DYNC2I2: variants seen among roughly 807,000 people sequenced by gnomAD.
DYNC2I2 encodes cytoplasmic dynein 2 intermediate chain 2.
Under a neutral mutation model 52.0 loss-of-function variants are expected in DYNC2I2, and 39 were observed. The observed-to-expected ratio is 0.75, with a 90% CI of 0.58 to 0.98. The LOEUF is 0.98. DYNC2I2 is among the 50% of genes least tolerant of loss of function. The pLI is 0.00. For missense variants in DYNC2I2, 743 were observed against 728.4 expected (o/e 1.02, Z -0.23); for synonymous variants, 359 against 321.1 (o/e 1.12, Z -1.26).
At chr9:128,679,557 G>A in the DYNC2I2 span, among the ~76,000 whole-genome samples, 124 of 152,214 alleles carry the variant, frequency 8.1e-4, 1 homozygote, top group Non-Finnish European at 1.2e-4. Flanking sequence ...TATACCTCCC[G>A]GGCTCAAGCC....
chr9:128,670,343 G>A, the DYNC2I2 span, among the ~76,000 whole-genome samples: 1 of 151,948 alleles, frequency 6.6e-6, no homozygotes, highest in Non-Finnish European at 1.5e-5. Context: ...GGGAGGCTAA[G>A]GCAGGAAAAT....
chr9:128,671,470 CT>C, the DYNC2I2 span, among the ~76,000 whole-genome samples: 3,834 of 107,752 alleles, frequency 0.036, 28 homozygotes, highest in South Asian at 0.087. Flanking sequence ...CTGGCTAATT[CT>C]TTTTTTTTTT....
chr9:128,635,611 C>G (rs1564339246), intron 5 of DYNC2I2, 47 bp downstream of exon 5: 1 of 1,531,210 alleles, frequency 6.5e-7, no homozygotes, highest in Non-Finnish European at 8.9e-7. Context: ...CGCCCTCTCC[C>G]CAGCTCTGCC....
the DYNC2I2 span, among the ~76,000 whole-genome samples, chr9:128,662,373 T>C: frequency 2.0e-5 from 3 of 151,724 alleles, no homozygotes; most frequent in Admixed American, 2.0e-4. Context: ...CAGCAGGATA[T>C]TCATAATTCC....
In DYNC2I2 at chr9:128,634,343, G is replaced by C; in HGVS notation, c.1255C>G (p.Leu419Val). Reference sequence around the variant, plus strand: ...GGAGGGGCCTGCAGCATGGAGTACAGGTGGACATGCCCGTCAGTCCCAGCG... The same window carrying C: ...GGAGGGGCCTGCAGCATGGAGTACACGTGGACATGCCCGTCAGTCCCAGCG... ...LSAGTDGHVH[L>V]YSMLQAPPLT... The change falls in exon 8 of 9, where the codon CTG becomes GTG. Residue 419 changes from leucine (L) to valine (V), a missense_variant. Physicochemically the swap from Leu to Val is conservative, Grantham distance 32 (BLOSUM62 1). Coordinates refer to ENST00000372715, the MANE Select transcript of DYNC2I2 (RefSeq NM_052844.4). 2 of 1,607,748 alleles carry C rather than the reference G, an allele frequency of 1.2e-6. No homozygotes were observed. The highest frequency in any genetic ancestry group is 4.5e-5 in the East Asian group (2 of 44,856).
chr9:128,639,936 G>A (rs534491557), intron 2 of DYNC2I2, among the ~76,000 whole-genome samples: 1 of 152,170 alleles, frequency 6.6e-6, no homozygotes, highest in South Asian at 2.1e-4. Context: ...AAAGTGCTGG[G>A]ATTACAGGCG....
chr9:128,671,279 C>A, the DYNC2I2 span, among the ~76,000 whole-genome samples: 3 of 149,456 alleles, frequency 2.0e-5, no homozygotes, highest in Non-Finnish European at 3.0e-5. Flanking sequence ...CCAGCCTGGG[C>A]AATAGAGTGG....
chr9:128,678,121 G>A, the DYNC2I2 span, among the ~76,000 whole-genome samples: 5 of 149,250 alleles, frequency 3.4e-5, no homozygotes, highest in East Asian at 2.0e-4. Flanking sequence ...CCAGGCTGGC[G>A]TGCAATGGTG....
chr9:128,641,976 T>TACACAC (rs142269423), intron 1 of DYNC2I2, among the ~76,000 whole-genome samples: 229 of 147,078 alleles, frequency 1.6e-3, no homozygotes, highest in Middle Eastern at 3.5e-3. Context: ...TTTATATACA[T>TACACAC]ACACACACAC....
At chr9:128,676,487 C>CCAAA in the DYNC2I2 span, among the ~76,000 whole-genome samples, 22 of 151,558 alleles carry the variant, frequency 1.5e-4, no homozygotes, top group Admixed American at 8.6e-4. Flanking sequence ...GAGACTCAGT[C>CCAAA]CAAACAAACA....
intron 1 of DYNC2I2, among the ~76,000 whole-genome samples, chr9:128,644,576 T>C (rs2132164535): frequency 6.6e-6 from 1 of 152,192 alleles, no homozygotes; most frequent in East Asian, 1.9e-4. Flanking sequence ...ACCGCACCTG[T>C]CCAACCTGAC....
At position 128,641,976 on chromosome 9, in the gene DYNC2I2, T is replaced by C. The variant is rs918001267; in HGVS notation, c.187-1037A>G. 4.9e-3 allele frequency among the ~76,000 whole-genome samples: 721 copies of C among 147,084 alleles called. 4 individuals are homozygous for C. Among genetic ancestry groups the C allele is most frequent in the African/African-American group, 0.016 (657 of 40,164 alleles). On this transcript the variant is annotated intron_variant, in intron 1 of 8. Coordinates refer to ENST00000372715, the MANE Select transcript of DYNC2I2 (RefSeq NM_052844.4). Reference sequence around the variant, plus strand: ...CAAAGCAGATGTTCATTTATATACATACACACACACACACACACACACACA... The same window carrying C: ...CAAAGCAGATGTTCATTTATATACACACACACACACACACACACACACACA...
In DYNC2I2 at chr9:128,656,609, C is replaced by T; in HGVS notation, c.118G>A (p.Asp40Asn). Reference protein sequence around the residue: ...PGPGRPGPLQDETLGVASVPS... With the variant: ...PGPGRPGPLQNETLGVASVPS... ...ACGGACGCCACACCCAGGGTCTCGT[C>T]CTGCAGCGGCCCTGGCCGCCCCGGC... The change falls in exon 1 of 9, where the codon GAC becomes AAC. Residue 40 changes from aspartate (D) to asparagine (N), a missense_variant. Transcript: ENST00000372715. 6.7e-7 allele frequency: 1 copy of T among 1,495,036 alleles called. No homozygotes were observed. Among genetic ancestry groups the T allele is most frequent in the Non-Finnish European group, 8.8e-7 (1 of 1,130,150 alleles). 92.6% of individuals were successfully genotyped at this position (1,495,036 alleles called of 1,614,324 possible).
intron 6 of DYNC2I2, 58 bp from the exon 7 acceptor site, chr9:128,634,979 A>C: frequency 6.3e-7 from 1 of 1,594,126 alleles, no homozygotes. Context: ...GCACTGTCCC[A>C]ACAGAGCCAG....
chr9:128,648,860 G>C (rs1355703410), intron 1 of DYNC2I2, among the ~76,000 whole-genome samples: 1 of 151,768 alleles, frequency 6.6e-6, no homozygotes, highest in East Asian at 1.9e-4. Flanking sequence ...GTCCAGAAGA[G>C]GCACTCACTT....
At chr9:128,674,096 C>G in the DYNC2I2 span, among the ~76,000 whole-genome samples, 16 of 151,820 alleles carry the variant, frequency 1.1e-4, no homozygotes, top group African/African-American at 3.4e-4. Context: ...GCACGAGCCA[C>G]CACACCTGAT....
chr9:128,672,371 T>A, the DYNC2I2 span, among the ~76,000 whole-genome samples: 1 of 152,064 alleles, frequency 6.6e-6, no homozygotes, highest in East Asian at 1.9e-4. Flanking sequence ...TTTTTATAGT[T>A]TCAGTAGAAA....
At chr9:128,667,958 C>CTTT in the DYNC2I2 span, among the ~76,000 whole-genome samples, 12 of 52,892 alleles carry the variant, frequency 2.3e-4, 1 homozygote, top group Non-Finnish European at 3.6e-4. Flanking sequence ...GTCTCGATCT[C>CTTT]TTTTTTTTTT....
At chr9:128,678,395 G>A in the DYNC2I2 span, among the ~76,000 whole-genome samples, 1 of 141,990 alleles carries the variant, frequency 7.0e-6, no homozygotes, top group African/African-American at 2.6e-5. Flanking sequence ...GAGGCCAGGT[G>A]CAAAAAAACT....
Sources: allele counts gnomAD v4.1 joint callset (sites outside exome capture counted in the v4.1 genomes callset), GRCh38; gene constraint gnomAD v4.1.1; transcripts MANE v1.5; gene names NCBI Gene and HGNC (gene_info 2026-07-23, HGNC 2026-07-21).